EYS: variants seen among roughly 807,000 people sequenced by gnomAD.
EYS encodes protein eyes shut homolog.
A neutral mutation model predicts 282.1 loss-of-function variants in EYS; 250 were observed. The ratio of observed to expected loss-of-function variants is 0.89; its 90% CI spans 0.80 to 0.98. EYS has a LOEUF of 0.98. Ranked by LOEUF, EYS falls within the 50% of genes least tolerant of loss-of-function variation. The pLI is 0.00. For synonymous variants in EYS, 1,355 were observed against 1,282.9 expected, an observed-to-expected ratio of 1.06 and a Z score of -1.20; for missense variants, 4,016 against 3,709.0, an observed-to-expected ratio of 1.08 and a Z score of -2.15.
intron 26 of EYS, among the ~76,000 whole-genome samples, chr6:64,485,445 C>G (rs1367707387): frequency 6.6e-6 from 1 of 151,478 alleles, no homozygotes; most frequent in Non-Finnish European, 1.5e-5. Flanking sequence ...AGTGGACTGA[C>G]TATGTATTTA....
chr6:65,269,285 A>G (rs1767836633), intron 12 of EYS, among the ~76,000 whole-genome samples: 3 of 152,302 alleles, frequency 2.0e-5, no homozygotes, highest in African/African-American at 7.2e-5. Context: ...GCATGTCTAG[A>G]TTATCTTGGA....
chr6:65,625,780 C>G (rs1766668640), intron 2 of EYS, among the ~76,000 whole-genome samples: 1 of 152,080 alleles, frequency 6.6e-6, no homozygotes. Flanking sequence ...CAATGATTTC[C>G]ATTTAGCTCT....
chr6:65,438,589 G>T (rs1009583697), intron 5 of EYS, among the ~76,000 whole-genome samples: 26 of 152,208 alleles, frequency 1.7e-4, no homozygotes, highest in African/African-American at 6.3e-4. Context: ...GTTTTGATTT[G>T]CATTTCTCTG....
intron 24 of EYS, among the ~76,000 whole-genome samples, chr6:64,594,655 C>A (rs111556014): frequency 0.11 from 14,902 of 135,202 alleles, 853 homozygotes; most frequent in Non-Finnish European, 0.13. Context: ...AACACATGGA[C>A]ACAGGAAGGG....
chr6:64,365,875 T>C (rs1371928762), intron 29 of EYS, among the ~76,000 whole-genome samples: 3 of 151,964 alleles, frequency 2.0e-5, no homozygotes, highest in South Asian at 2.1e-4. Flanking sequence ...ACTGAAGCCA[T>C]GGAATTTGAA....
rs1302542770 is a variant in EYS at position 64,651,681 on chromosome 6, C to CA, written c.3444-25437dup. On this transcript the variant is annotated intron_variant, in intron 22 of 42. Coordinates refer to ENST00000503581, the MANE Select transcript of EYS (RefSeq NM_001142800.2). ...GTGGTGACAGAGCGAGACTCCGTCT[C>CA]AAAAAAAGGAAAAAAAAATTCATAA... 6.7e-5 allele frequency among the ~76,000 whole-genome samples: 10 copies of CA among 149,140 alleles called. No homozygotes were observed. The East Asian group carries it at 2.0e-3, about 29-fold the overall frequency.
chr6:64,238,619 A>T (rs1327951093), intron 30 of EYS, among the ~76,000 whole-genome samples: 1 of 152,090 alleles, frequency 6.6e-6, no homozygotes, highest in Admixed American at 6.6e-5. Flanking sequence ...CTAAGCTCCC[A>T]CTTACAAGTG....
chr6:64,820,108 G>C lies in EYS; in HGVS notation c.3243+1537C>G, dbSNP rs544434532. On this transcript the variant is annotated intron_variant, in intron 21 of 42. Coordinates refer to ENST00000503581, the MANE Select transcript of EYS (RefSeq NM_001142800.2). ...TCTCATCAGGTAAGTGTGGTCTTCA[G>C]TGTTTATTTGGAATACTTTATAGCT... Among the ~76,000 whole-genome samples, 5 of 152,140 alleles carry C rather than the reference G, an allele frequency of 3.3e-5. No individual in the cohort carries two copies. The East Asian group carries it at 7.7e-4, about 24-fold the overall frequency.
chr6:64,223,940 A>G (rs1012519910), intron 31 of EYS, among the ~76,000 whole-genome samples: 1 of 151,996 alleles, frequency 6.6e-6, no homozygotes, highest in East Asian at 1.9e-4. Context: ...GAATAGGCCT[A>G]TATCATTTTC....
At chr6:64,436,469 T>C (rs1423004534) in intron 27 of EYS, among the ~76,000 whole-genome samples, 4 of 151,866 alleles carry the variant, frequency 2.6e-5, no homozygotes, top group Non-Finnish European at 5.9e-5. Context: ...GAGTATTATA[T>C]AGATATAAAT....
intron 26 of EYS, among the ~76,000 whole-genome samples, chr6:64,556,260 T>C (rs1765229174): frequency 6.6e-6 from 1 of 151,930 alleles, no homozygotes; most frequent in Non-Finnish European, 1.5e-5. Flanking sequence ...AGATTAAAAA[T>C]TAAGGTATAT....
chr6:65,076,861 A>G (rs552801077), intron 12 of EYS, among the ~76,000 whole-genome samples: 45 of 152,140 alleles, frequency 3.0e-4, no homozygotes, highest in Middle Eastern at 3.4e-3. Context: ...GATAATGACT[A>G]TCAGAAATTA....
At chr6:65,012,664 A>G (rs1375480238) in intron 13 of EYS, among the ~76,000 whole-genome samples, 1 of 151,100 alleles carries the variant, frequency 6.6e-6, no homozygotes, top group Non-Finnish European at 1.5e-5. Flanking sequence ...CAAGAAAAAT[A>G]GTAAGGGGGA....
chr6:65,007,914 G>A (rs1771734939), intron 13 of EYS, among the ~76,000 whole-genome samples: 1 of 152,182 alleles, frequency 6.6e-6, no homozygotes, highest in African/African-American at 2.4e-5. Context: ...GAGATATAAT[G>A]TTACTGCTAA....
In EYS at chr6:64,085,340, G is replaced by GCACACACACACA. The variant is rs71551560; in HGVS notation, c.6425-3350_6425-3339dup. Among the ~76,000 whole-genome samples, 597 of 139,838 alleles carry GCACACACACACA rather than the reference G, an allele frequency of 4.3e-3. 5 individuals are homozygous for GCACACACACACA. The highest frequency in any genetic ancestry group is 0.014 in the African/African-American group (516 of 35,746). The allele number at this position is 139,838 out of a possible 152,430, so 91.7% of individuals were successfully genotyped here. On this transcript the variant is annotated intron_variant, in intron 31 of 42. Transcript: ENST00000503581. Reference sequence around the variant, plus strand: ...CGCGCGCGCGTGCGCACGTGCGCGCGCACACACACACACACACACACACAC... The same window carrying GCACACACACACA: ...CGCGCGCGCGTGCGCACGTGCGCGCGCACACACACACACACACACACACACACACACACACAC...
intron 35 of EYS, among the ~76,000 whole-genome samples, chr6:63,895,905 GTTTT>G (rs10705427): frequency 2.4e-4 from 30 of 124,356 alleles, no homozygotes; most frequent in African/African-American, 8.9e-4. Flanking sequence ...ATCATGATTT[GTTTT>G]TTTTTTTTTT....
intron 19 of EYS, among the ~76,000 whole-genome samples, chr6:64,837,217 T>C (rs1765407723): frequency 1.3e-5 from 2 of 151,606 alleles, no homozygotes; most frequent in African/African-American, 2.4e-5. Flanking sequence ...TTGTTTTTAA[T>C]GAGAAAATTA....
chr6:64,481,526 A>C (rs970613066), intron 26 of EYS, among the ~76,000 whole-genome samples: 1 of 134,128 alleles, frequency 7.5e-6, no homozygotes, highest in Non-Finnish European at 1.7e-5. Flanking sequence ...TCTCACACAC[A>C]CACATACACA....
At chr6:64,693,280 T>C (rs1248966481) in intron 22 of EYS, among the ~76,000 whole-genome samples, 3 of 151,988 alleles carry the variant, frequency 2.0e-5, no homozygotes, top group African/African-American at 7.2e-5. Context: ...AATTTCATCA[T>C]GTTTTTAAAA....
Sources: allele counts gnomAD v4.1 joint callset (sites outside exome capture counted in the v4.1 genomes callset), GRCh38; gene constraint gnomAD v4.1.1; transcripts MANE v1.5; gene names NCBI Gene and HGNC (gene_info 2026-07-23, HGNC 2026-07-21).